UBE3D: variants seen among roughly 807,000 people sequenced by gnomAD.
The protein encoded by UBE3D is E3 ubiquitin-protein ligase E3D.
A neutral mutation model predicts 49.6 loss-of-function variants in UBE3D; 48 were observed. That is an observed-to-expected ratio of 0.97 (90% CI 0.77 to 1.23). UBE3D has a LOEUF of 1.23. Ranked by LOEUF, UBE3D falls within the 50% of genes most tolerant of loss-of-function variation. UBE3D has a pLI of 0.00. For missense variants in UBE3D, 452 were observed against 468.4 expected (o/e 0.96, Z 0.32); for synonymous variants, 189 against 174.2 (o/e 1.08, Z -0.67).
the UBE3D span, among the ~76,000 whole-genome samples, chr6:82,881,122 A>G: frequency 5.9e-5 from 9 of 152,270 alleles, no homozygotes; most frequent in South Asian, 1.9e-3. Context: ...CAGTTGCAGG[A>G]TTCAGTTGTG....
intron 8 of UBE3D, among the ~76,000 whole-genome samples, chr6:83,014,405 G>A (rs1780550849): frequency 6.6e-6 from 1 of 152,174 alleles, no homozygotes; most frequent in South Asian, 2.1e-4. Flanking sequence ...CCTACAGTCA[G>A]GGAGCCAATG....
intron 3 of UBE3D, chr6:83,049,795 T>C (rs1227223522): frequency 4.2e-6 from 2 of 470,958 alleles, no homozygotes; most frequent in Non-Finnish European, 8.8e-6. Flanking sequence ...AGGCTTGAGT[T>C]TGAAAGTTTG....
intron 5 of UBE3D, chr6:83,036,571 C>T (rs1040444661): frequency 6.6e-6 from 1 of 151,552 alleles, no homozygotes; most frequent in African/African-American, 2.4e-5. Flanking sequence ...CATTTATTTG[C>T]CTTGGTTTCT....
chr6:83,037,311 G>A (rs1336358284), intron 5 of UBE3D: 1 of 151,932 alleles, frequency 6.6e-6, no homozygotes, highest in East Asian at 1.9e-4. Flanking sequence ...TACATCTCTT[G>A]TTTATGTCAT....
At chr6:82,981,176 T>C (rs1778094372) in intron 8 of UBE3D, among the ~76,000 whole-genome samples, 1 of 152,140 alleles carries the variant, frequency 6.6e-6, no homozygotes, top group Non-Finnish European at 1.5e-5. Context: ...TGCACGTTTC[T>C]CCCAGAAGAG....
intron 8 of UBE3D, among the ~76,000 whole-genome samples, chr6:82,993,812 A>G (rs184615903): frequency 3.3e-5 from 5 of 152,336 alleles, no homozygotes; most frequent in Admixed American, 3.3e-4. Context: ...GACATACAGG[A>G]TATTCTTGTA....
chr6:83,058,465 C>A (rs1439707362), intron 1 of UBE3D, among the ~76,000 whole-genome samples: 1 of 152,154 alleles, frequency 6.6e-6, no homozygotes, highest in Non-Finnish European at 1.5e-5. Context: ...AAAGGACTTA[C>A]TAATCCAATT....
intron 8 of UBE3D, among the ~76,000 whole-genome samples, chr6:82,991,181 G>A (rs1411030368): frequency 6.6e-6 from 1 of 152,148 alleles, no homozygotes; most frequent in Admixed American, 6.5e-5. Context: ...TGCCTTTTAT[G>A]ACCTACTCCC....
At position 83,000,779 on chromosome 6, in the gene UBE3D, C is replaced by T. The variant is rs369936395; in HGVS notation, c.1010+18194G>A. On this transcript the variant is annotated intron_variant, in intron 8 of 9. Transcript: ENST00000369747. ...TTGTACTCACTGTACTGCCTCCCACCCCTTGCCTAGAAGCTCTTCACAGTA... is the reference window on the plus strand; with the variant it reads ...TTGTACTCACTGTACTGCCTCCCACTCCTTGCCTAGAAGCTCTTCACAGTA... Among the ~76,000 whole-genome samples the T allele has an allele frequency of 3.0e-3, 459 of 152,272 alleles. 2 individuals carry two copies. The highest frequency in any genetic ancestry group is 9.6e-3 in the African/African-American group (397 of 41,552).
intron 4 of UBE3D, among the ~76,000 whole-genome samples, chr6:83,041,402 C>A (rs944146031): frequency 2.2e-4 from 33 of 152,146 alleles, no homozygotes; most frequent in African/African-American, 8.0e-4. Flanking sequence ...TTCAAACAAA[C>A]CTATGCTAAA....
chr6:83,002,682 CACAA>C (rs1031703232), intron 8 of UBE3D, among the ~76,000 whole-genome samples: 2 of 152,234 alleles, frequency 1.3e-5, no homozygotes, highest in Non-Finnish European at 2.9e-5. Context: ...GAGACTCCGT[CACAA>C]ACAAACAAAC....
chr6:82,940,230 G>T (rs972230777), intron 9 of UBE3D, among the ~76,000 whole-genome samples: 1 of 152,158 alleles, frequency 6.6e-6, no homozygotes, highest in South Asian at 2.1e-4. Context: ...ATTCAGATTA[G>T]AGAACTGTAT....
In UBE3D at chr6:82,944,156, C is replaced by T. The variant is rs79673182; in HGVS notation, c.1149+13156G>A. ...GGGGCAGCTAAGGGAGTGCTTGTGC[C>T]ACCCCTCCCCCAACTCTAGGCAACA... On this transcript the variant is annotated intron_variant, in intron 9 of 9. Transcript: ENST00000369747. 4.9e-3 allele frequency among the ~76,000 whole-genome samples: 752 copies of T among 152,292 alleles called. 4 individuals are homozygous for T. The highest frequency in any genetic ancestry group is 7.2e-3 in the Non-Finnish European group (488 of 68,020).
chr6:82,922,110 A>C (rs1468403034), intron 9 of UBE3D, among the ~76,000 whole-genome samples: 1 of 134,930 alleles, frequency 7.4e-6, no homozygotes, highest in Non-Finnish European at 1.6e-5. Context: ...TGTAGCAGAC[A>C]TAAAAGGCAT....
chr6:82,901,622 C>T (rs1771745393), intron 9 of UBE3D, among the ~76,000 whole-genome samples: 1 of 152,142 alleles, frequency 6.6e-6, no homozygotes, highest in South Asian at 2.1e-4. Context: ...AGTGACATAG[C>T]TAATTAGGCG....
Position 83,019,081 on chromosome 6 carries a change from T to C in UBE3D, c.902A>G (p.Tyr301Cys). ...TTCCAACAAGGGGAATTTTTTGATATATTTGGAATTTCTCAAAGATTCAAT... is the reference window on the plus strand; with the variant it reads ...TTCCAACAAGGGGAATTTTTTGATACATTTGGAATTTCTCAAAGATTCAAT... ...LVIESLRNSK[Y>C]IKKFPLLENT... The change falls in exon 8 of 10, where the codon TAT becomes TGT. Residue 301 changes from tyrosine (Y) to cysteine (C), a missense_variant. Transcript: ENST00000369747. The C allele has an allele frequency of 1.2e-6, 2 of 1,613,932 alleles. No homozygotes were observed. The highest frequency in any genetic ancestry group is 8.5e-7 in the Non-Finnish European group (1 of 1,179,902).
At chr6:83,052,022 G>A (rs1783502560) in intron 3 of UBE3D, among the ~76,000 whole-genome samples, 2 of 152,170 alleles carry the variant, frequency 1.3e-5, no homozygotes, top group Admixed American at 1.3e-4. Context: ...TGCTGAGGAG[G>A]ATGATGATGA....
chr6:82,934,993 G>T (rs1396203619), intron 9 of UBE3D, among the ~76,000 whole-genome samples: 3 of 132,678 alleles, frequency 2.3e-5, no homozygotes, highest in Non-Finnish European at 5.0e-5. Flanking sequence ...AATAGGCAAG[G>T]AGAATGCAAG....
At chr6:82,947,500 T>A (rs956710787) in intron 9 of UBE3D, among the ~76,000 whole-genome samples, 1 of 150,368 alleles carries the variant, frequency 6.7e-6, no homozygotes, top group African/African-American at 2.5e-5. Flanking sequence ...ACATATTTTT[T>A]AAATTTTTAA....
Sources: allele counts gnomAD v4.1 joint callset (sites outside exome capture counted in the v4.1 genomes callset), GRCh38; gene constraint gnomAD v4.1.1; transcripts MANE v1.5; gene names NCBI Gene and HGNC (gene_info 2026-07-23, HGNC 2026-07-21).